ARHGEF10: variants seen among roughly 807,000 people sequenced by gnomAD.
ARHGEF10 encodes Rho guanine nucleotide exchange factor 10.
Under a neutral mutation model 147.4 loss-of-function variants are expected in ARHGEF10, and 140 were observed. The ratio of observed to expected loss-of-function variants is 0.95; its 90% CI spans 0.83 to 1.09. The LOEUF (loss-of-function observed/expected upper bound fraction) is 1.09, where lower values mean the gene tolerates loss of function less well. Among genes scored for constraint, ARHGEF10 ranks in the 50% least tolerant of loss-of-function variants. ARHGEF10 has a pLI of 0.00. For missense variants in ARHGEF10, 2,222 were observed against 1,752.7 expected (o/e 1.27, Z -4.78); for synonymous variants, 902 against 695.8 (o/e 1.30, Z -4.67).
intron 1 of ARHGEF10, among the ~76,000 whole-genome samples, chr8:1,832,405 C>A (rs557946458): frequency 4.3e-5 from 6 of 140,366 alleles, no homozygotes; most frequent in Admixed American, 4.2e-4. Flanking sequence ...CAGAGAGAGG[C>A]AGAGGCAGAG....
chr8:1,823,740 G>A (rs940199206), upstream of ARHGEF10, among the ~76,000 whole-genome samples: 2 of 151,876 alleles, frequency 1.3e-5, no homozygotes, highest in Non-Finnish European at 2.9e-5. Flanking sequence ...TCCCACGCGT[G>A]CGCAGCCTGG....
At chr8:1,856,571 G>T (rs914000434) in intron 2 of ARHGEF10, among the ~76,000 whole-genome samples, 5 of 152,250 alleles carry the variant, frequency 3.3e-5, no homozygotes, top group African/African-American at 9.6e-5. Flanking sequence ...TCCCCAGGAG[G>T]CTCGGCAGAG....
intron 8 of ARHGEF10, among the ~76,000 whole-genome samples, chr8:1,879,585 CTCTGTCTG>C: frequency 6.7e-6 from 1 of 150,340 alleles, no homozygotes; most frequent in Non-Finnish European, 1.5e-5. Flanking sequence ...CAGGGTCTTA[CTCTGTCTG>C]CCAGGCTGGA....
chr8:1,916,038 G>T (rs554517064), intron 18 of ARHGEF10, among the ~76,000 whole-genome samples: 8 of 152,252 alleles, frequency 5.3e-5, no homozygotes, highest in Non-Finnish European at 1.2e-4. Flanking sequence ...GGATGGGCCA[G>T]ATGAGTGCCA....
At chr8:1,895,920 G>A (rs1446856917) in intron 13 of ARHGEF10, among the ~76,000 whole-genome samples, 1 of 152,148 alleles carries the variant, frequency 6.6e-6, no homozygotes, top group South Asian at 2.1e-4. Flanking sequence ...CCCATTTCTA[G>A]GGTGTGGTTG....
chr8:1,933,588 C>T (rs1267545032), intron 25 of ARHGEF10, among the ~76,000 whole-genome samples: 1 of 151,912 alleles, frequency 6.6e-6, no homozygotes, highest in African/African-American at 2.4e-5. Context: ...CTGCGTGTCC[C>T]ACAGCTGTCT....
At chr8:1,854,660 CTTGA>C in intron 2 of ARHGEF10, among the ~76,000 whole-genome samples, 1 of 152,276 alleles carries the variant, frequency 6.6e-6, no homozygotes, top group Admixed American at 6.5e-5. Flanking sequence ...GGAGGAATTT[CTTGA>C]TTGCTTTGAT....
At chr8:1,841,823 AACTGG>A (rs1563161250) in intron 1 of ARHGEF10, among the ~76,000 whole-genome samples, 36 of 100,312 alleles carry the variant, frequency 3.6e-4, no homozygotes, top group African/African-American at 1.1e-3. Context: ...CCGCGGCGGG[AACTGG>A]GGCCGCGACG....
At chr8:1,918,573 T>C (rs1225831735) in intron 18 of ARHGEF10, among the ~76,000 whole-genome samples, 1 of 152,118 alleles carries the variant, frequency 6.6e-6, no homozygotes, top group East Asian at 1.9e-4. Context: ...AAACATGATG[T>C]TTTGAAATAT....
At chr8:1,908,153 C>T (rs530100354) in intron 17 of ARHGEF10, among the ~76,000 whole-genome samples, 5 of 151,590 alleles carry the variant, frequency 3.3e-5, no homozygotes, top group South Asian at 4.2e-4. Context: ...TGGGTGCAGA[C>T]GGGCTCCCAG....
intron 11 of ARHGEF10, among the ~76,000 whole-genome samples, chr8:1,889,284 G>C: frequency 8.8e-6 from 1 of 113,488 alleles, no homozygotes; most frequent in African/African-American, 3.5e-5. Context: ...ATGTGGTGAG[G>C]GTTTGTGAGG....
At chr8:1,851,959 C>T (rs1288409470) in intron 2 of ARHGEF10, among the ~76,000 whole-genome samples, 4 of 151,800 alleles carry the variant, frequency 2.6e-5, no homozygotes, top group Non-Finnish European at 5.9e-5. Flanking sequence ...ATCTCTGCTG[C>T]AGACCATATG....
intron 27 of ARHGEF10, among the ~76,000 whole-genome samples, chr8:1,951,391 C>T (rs777111630): frequency 5.3e-5 from 8 of 152,222 alleles, no homozygotes; most frequent in Non-Finnish European, 8.8e-5. Flanking sequence ...CAAGTCACGC[C>T]GACCAGGCCA....
chr8:1,845,004 T>A (rs11781765), intron 2 of ARHGEF10, among the ~76,000 whole-genome samples: 91,737 of 152,096 alleles, frequency 0.6, 28,428 homozygotes, highest in Non-Finnish European at 0.69. Flanking sequence ...TTATGCATGA[T>A]GGTGCATGCC....
At chr8:1,860,233 C>T (rs373352124) in intron 4 of ARHGEF10, 49 bp downstream of exon 4, 19 of 1,599,234 alleles carry the variant, frequency 1.2e-5, no homozygotes, top group Non-Finnish European at 1.6e-5. Flanking sequence ...GTGGTTCCCT[C>T]CTCTCCACGC....
In ARHGEF10 at chr8:1,928,459, T is replaced by G; in HGVS notation, c.2730T>G (p.Ile910Met). Residue 910 changes from isoleucine to methionine, a missense_variant, in exon 24 of 29, where the codon ATT becomes ATG. Coordinates refer to ENST00000349830, the MANE Select transcript of ARHGEF10 (RefSeq NM_014629.4). ...IGSCTHQMGQ[I>M]AIVSFQNSTP... ...GTTGCACCCATCAAATGGGTCAGAT[T>G]GCCATCGTCTCGTTTCAAAATTCCA... The G allele has an allele frequency of 6.2e-7, 1 of 1,614,122 alleles. No homozygotes were observed. The highest frequency in any genetic ancestry group is 1.3e-5 in the African/African-American group (1 of 75,006).
chr8:1,883,939 AG>A (rs1330543948), intron 10 of ARHGEF10, among the ~76,000 whole-genome samples: 2 of 152,284 alleles, frequency 1.3e-5, no homozygotes, highest in African/African-American at 4.8e-5. Flanking sequence ...AGCCCATGCC[AG>A]GCCCCTGAGC....
intron 6 of ARHGEF10, among the ~76,000 whole-genome samples, chr8:1,867,821 T>G (rs1379390542): frequency 6.6e-6 from 1 of 152,260 alleles, no homozygotes; most frequent in East Asian, 1.9e-4. Context: ...TAGAACCATC[T>G]TAGTTACCTC....
intron 16 of ARHGEF10, chr8:1,904,339 T>C (rs1810717671): frequency 6.6e-6 from 1 of 152,212 alleles, no homozygotes; most frequent in East Asian, 1.9e-4. Flanking sequence ...TGTTAAGTTA[T>C]TGCATCTAAT....
Sources: gnomAD v4.1 joint callset for allele counts (sites outside exome capture counted in the v4.1 genomes callset) on GRCh38, gnomAD v4.1.1 for gene constraint, MANE v1.5 for transcripts, NCBI Gene and HGNC (gene_info 2026-07-23, HGNC 2026-07-21) for gene names.